RIMS2: variants seen among roughly 807,000 people sequenced by gnomAD.
RIMS2 encodes the protein regulating synaptic membrane exocytosis protein 2.
In RIMS2, 59 loss-of-function variants were observed where a neutral mutation model predicts 174.4. The ratio of observed to expected loss-of-function variants is 0.34; its 90% confidence interval spans 0.27 to 0.42. The LOEUF (loss-of-function observed/expected upper bound fraction) is 0.42, where lower values mean the gene tolerates loss of function less well. Ranked by LOEUF, RIMS2 falls within the 10% of genes least tolerant of loss-of-function variation. RIMS2 has a pLI of 1.00. For missense variants in RIMS2, 1,620 were observed against 1,666.3 expected (o/e 0.97, Z 0.48); for synonymous variants, 606 against 572.5 (o/e 1.06, Z -0.84).
intron 1 of RIMS2, among the ~76,000 whole-genome samples, chr8:103,533,093 G>A (rs1042043667): frequency 4.6e-5 from 7 of 152,172 alleles, no homozygotes; most frequent in South Asian, 2.1e-4. Flanking sequence ...TTTTCTTTAC[G>A]AAAGTAATAA....
intron 1 of RIMS2, among the ~76,000 whole-genome samples, chr8:103,518,043 C>G (rs1032614107): frequency 2.0e-5 from 3 of 151,856 alleles, no homozygotes; most frequent in Non-Finnish European, 4.4e-5. Context: ...GTTTATGTGA[C>G]TATGACATGC....
chr8:104,182,499 C>T lies in RIMS2; in HGVS notation c.3335-62417C>T, dbSNP rs187735146. Among the ~76,000 whole-genome samples, 356 of 151,744 alleles carry T rather than the reference C, an allele frequency of 2.3e-3. 2 individuals are homozygous for T. Among genetic ancestry groups the T allele is most frequent in the Non-Finnish European group, 3.7e-3 (253 of 67,778 alleles). Reference sequence around the variant, plus strand: ...CACCTTTATTACCTCAAAAAGAAACCGCATACCCTTTAGCTATTCCTCCCC... The same window carrying T: ...CACCTTTATTACCTCAAAAAGAAACTGCATACCCTTTAGCTATTCCTCCCC... On this transcript the variant is annotated intron_variant, in intron 19 of 23. Transcript: ENST00000504942.
chr8:103,635,493 C>A (rs2096055065), intron 1 of RIMS2, among the ~76,000 whole-genome samples: 1 of 152,172 alleles, frequency 6.6e-6, no homozygotes, highest in Admixed American at 6.5e-5. Context: ...ATGCTTGGTG[C>A]CCTTTCTAGT....
At chr8:104,089,847 T>C (rs1239619810) in intron 19 of RIMS2, among the ~76,000 whole-genome samples, 1 of 151,738 alleles carries the variant, frequency 6.6e-6, no homozygotes, top group East Asian at 1.9e-4. Flanking sequence ...AATATATTAT[T>C]TTGAATATAT....
chr8:103,787,367 C>T (rs1203231494), intron 3 of RIMS2, among the ~76,000 whole-genome samples: 130 of 151,566 alleles, frequency 8.6e-4, no homozygotes, highest in African/African-American at 2.9e-3. Flanking sequence ...TTCCTAGTCT[C>T]GATGGTCTTT....
intron 3 of RIMS2, among the ~76,000 whole-genome samples, chr8:103,835,103 C>CTTTTTT (rs528538789): frequency 9.2e-5 from 12 of 130,784 alleles, no homozygotes; most frequent in Non-Finnish European, 1.3e-4. Context: ...CTTTTCTTTT[C>CTTTTTT]TTTTTTTTTT....
intron 19 of RIMS2, among the ~76,000 whole-genome samples, chr8:104,068,203 G>C (rs1256294721): frequency 6.6e-6 from 1 of 152,144 alleles, no homozygotes; most frequent in Non-Finnish European, 1.5e-5. Flanking sequence ...TTTCTGTGCA[G>C]TCAAATGTAT....
At position 104,095,459 on chromosome 8, in the gene RIMS2, A is replaced by T. The variant is rs777034589; in HGVS notation, c.3334+80844A>T. ...TCTGGAGAGGGAACTTTGAACAGGG[A>T]GAAGGGCAGGGAAAAAATACAGGCA... On this transcript the variant is annotated intron_variant, in intron 19 of 23. Transcript: ENST00000504942. 3.9e-5 allele frequency among the ~76,000 whole-genome samples: 6 copies of T among 152,170 alleles called. No homozygotes were observed. In the East Asian group the frequency reaches 1.2e-3, roughly 29 times the overall value.
intron 2 of RIMS2, among the ~76,000 whole-genome samples, chr8:103,722,410 T>G (rs2097461459): frequency 6.6e-6 from 1 of 152,150 alleles, no homozygotes; most frequent in Non-Finnish European, 1.5e-5. Context: ...CTGAGCCTGT[T>G]TTCCTGCAAC....
intron 1 of RIMS2, among the ~76,000 whole-genome samples, chr8:103,579,592 T>A (rs903161987): frequency 5.3e-5 from 8 of 152,168 alleles, no homozygotes; most frequent in African/African-American, 1.9e-4. Flanking sequence ...TTTTTTTTCT[T>A]TCTGTGTTCT....
At chr8:103,726,134 C>T (rs1028451064) in intron 2 of RIMS2, among the ~76,000 whole-genome samples, 1 of 152,080 alleles carries the variant, frequency 6.6e-6, no homozygotes, top group African/African-American at 2.4e-5. Flanking sequence ...GGTGAGAAAG[C>T]AATATGCATT....
intron 1 of RIMS2, among the ~76,000 whole-genome samples, chr8:103,556,154 C>T (rs887953243): frequency 1.3e-5 from 2 of 152,154 alleles, no homozygotes; most frequent in East Asian, 3.9e-4. Flanking sequence ...TTAATAACAG[C>T]ATATTGTACA....
At position 103,999,196 on chromosome 8, in the gene RIMS2, G is replaced by A. The variant is rs943268974; in HGVS notation, c.3044+9775G>A. On this transcript the variant is annotated intron_variant, in intron 17 of 23. Coordinates refer to ENST00000504942, the Ensembl canonical transcript of RIMS2. ...TTCATCCCTATGAAATTAACTAAGA[G>A]TTGATAATAAAATAGTTTATAAAAT... Among the ~76,000 whole-genome samples the A allele has an allele frequency of 4.6e-5, 7 of 151,808 alleles. No individual in the cohort carries two copies. In the East Asian group the frequency reaches 1.4e-3, roughly 29 times the overall value.
intron 1 of RIMS2, among the ~76,000 whole-genome samples, chr8:103,543,940 T>A (rs887774407): frequency 1.3e-5 from 2 of 152,236 alleles, no homozygotes; most frequent in Non-Finnish European, 2.9e-5. Context: ...ATGATTTTTT[T>A]AGATATGATC....
chr8:103,720,293 T>TAG lies in RIMS2; in HGVS notation c.387+23000_387+23001dup, dbSNP rs529194258. On this transcript the variant is annotated intron_variant, in intron 2 of 23. Coordinates refer to ENST00000504942, the Ensembl canonical transcript of RIMS2. ...CTAGCTGCTCATTGTTATTCTCATA[T>TAG]AGAGTTGCAATTTAGCATGTACTTA... Among the ~76,000 whole-genome samples, 361 of 152,316 alleles carry TAG rather than the reference T, an allele frequency of 2.4e-3. 1 individual carries two copies. The highest frequency in any genetic ancestry group is 4.2e-3 in the Non-Finnish European group (283 of 68,022).
intron 19 of RIMS2, among the ~76,000 whole-genome samples, chr8:104,226,290 C>CT (rs1199898713): frequency 1.3e-5 from 2 of 151,964 alleles, no homozygotes; most frequent in East Asian, 1.9e-4. Flanking sequence ...AAGCTAGTCT[C>CT]TTTTTTTTAT....
intron 1 of RIMS2, among the ~76,000 whole-genome samples, chr8:103,588,437 C>G (rs2094083863): frequency 6.6e-6 from 1 of 151,730 alleles, no homozygotes; most frequent in Non-Finnish European, 1.5e-5. Flanking sequence ...CCATAAAAGA[C>G]CCAGAGTAGC....
chr8:103,790,313 A>T (rs1411545800), intron 3 of RIMS2, among the ~76,000 whole-genome samples: 1 of 152,130 alleles, frequency 6.6e-6, no homozygotes, highest in Non-Finnish European at 1.5e-5. Context: ...ATGTCTCTGG[A>T]GTTGCCTATT....
At position 104,089,036 on chromosome 8, in the gene RIMS2, A is replaced by C. The variant is rs1206481737; in HGVS notation, c.3334+74421A>C. Reference sequence around the variant, plus strand: ...ATGATCTTCTTAATAGTATGTACAAAACATTAAAATGTTGTCCGGAAAAAC... The same window carrying C: ...ATGATCTTCTTAATAGTATGTACAACACATTAAAATGTTGTCCGGAAAAAC... On this transcript the variant is annotated intron_variant, in intron 19 of 23. Transcript: ENST00000504942. Among the ~76,000 whole-genome samples the C allele has an allele frequency of 2.6e-5, 4 of 152,084 alleles. No individual in the cohort carries two copies. The East Asian group carries it at 7.7e-4, about 29-fold the overall frequency.
Sources: allele counts gnomAD v4.1 joint callset (sites outside exome capture counted in the v4.1 genomes callset), GRCh38; gene constraint gnomAD v4.1.1; transcripts MANE v1.5; gene names NCBI Gene and HGNC (gene_info 2026-07-23, HGNC 2026-07-21).